The following ZSWIM6 variants were observed in gnomAD, a reference collection of about 807,000 sequenced individuals.
The protein encoded by ZSWIM6 is zinc finger SWIM-type containing 6.
In ZSWIM6, 9 loss-of-function variants were observed where a neutral mutation model predicts 113.2. That is an observed-to-expected ratio of 0.08 (90% confidence interval 0.05 to 0.14). The LOEUF is 0.14. ZSWIM6 is among the 10% of genes least tolerant of loss of function. The pLI is 1.00. For synonymous variants in ZSWIM6, 611 were observed against 606.5 expected (o/e 1.01, Z -0.11); for missense variants, 1,162 against 1,552.2 (o/e 0.75, Z 4.22).
intron 4 of ZSWIM6, among the ~76,000 whole-genome samples, chr5:61,502,204 G>T (rs574623704): frequency 6.6e-6 from 1 of 152,282 alleles, no homozygotes; most frequent in South Asian, 2.1e-4. Flanking sequence ...AATCAGGGAT[G>T]CCAGGAGCAG....
At chr5:61,372,281 C>A (rs1422351099) in intron 1 of ZSWIM6, among the ~76,000 whole-genome samples, 1 of 151,782 alleles carries the variant, frequency 6.6e-6, no homozygotes, top group Non-Finnish European at 1.5e-5. Context: ...TTACCCTCTG[C>A]CCTATTTTTT....
chr5:61,346,947 T>A (rs965120170), intron 1 of ZSWIM6, among the ~76,000 whole-genome samples: 4 of 152,374 alleles, frequency 2.6e-5, no homozygotes, highest in East Asian at 3.9e-4. Context: ...ATGAATTTTT[T>A]AAAAAAGTAC....
intron 1 of ZSWIM6, among the ~76,000 whole-genome samples, chr5:61,354,861 A>AAT (rs1744867092): frequency 6.6e-6 from 1 of 152,044 alleles, no homozygotes; most frequent in East Asian, 1.9e-4. Flanking sequence ...CCATTCTTAG[A>AAT]CTGCATTTTG....
intron 1 of ZSWIM6, among the ~76,000 whole-genome samples, chr5:61,423,323 GCTTGAACCT>G (rs1257505720): frequency 1.4e-4 from 21 of 151,890 alleles, no homozygotes; most frequent in African/African-American, 5.1e-4. Context: ...CAGGAGAATC[GCTTGAACCT>G]GGGAGGTGGA....
At chr5:61,460,760 T>C (rs1044865987) in intron 1 of ZSWIM6, among the ~76,000 whole-genome samples, 12 of 152,122 alleles carry the variant, frequency 7.9e-5, no homozygotes, top group African/African-American at 2.7e-4. Flanking sequence ...ATATATAATG[T>C]TCATAATATA....
At chr5:61,541,825 CT>C (rs1329091080) in intron 12 of ZSWIM6, 58 bp from the exon 13 acceptor site, 88 of 1,403,314 alleles carry the variant, frequency 6.3e-5, no homozygotes, top group Middle Eastern at 3.5e-4. Flanking sequence ...TATCCCCCCC[CT>C]TTTTTTTCAT....
Position 61,530,086 on chromosome 5 carries a change from T to C in ZSWIM6, c.1872T>C (p.Asn624=), listed in dbSNP as rs751568285. 2.6e-6 allele frequency: 4 copies of C among 1,551,436 alleles called. No individual in the cohort carries two copies. Among genetic ancestry groups the C allele is most frequent in the Non-Finnish European group, 2.6e-6 (3 of 1,146,794 alleles). ...ATAAAAACATAACCTCGATAACCAA[T>C]CTGGAGGGCTGGGTTGGACATCCCC... is the stretch of plus-strand genomic sequence containing the variant. ...LPHKNITSIT[N]LEGWVGHPLD... The change falls in exon 8 of 14, where the codon AAT becomes AAC. Residue 624 remains asparagine, a synonymous_variant. Transcript: ENST00000252744.
At chr5:61,424,586 C>G (rs1417741432) in intron 1 of ZSWIM6, among the ~76,000 whole-genome samples, 1 of 152,154 alleles carries the variant, frequency 6.6e-6, no homozygotes, top group Non-Finnish European at 1.5e-5. Flanking sequence ...TTTCGAACCT[C>G]GAAGAGCAAG....
At chr5:61,432,261 C>T (rs1056026599) in intron 1 of ZSWIM6, among the ~76,000 whole-genome samples, 1 of 152,176 alleles carries the variant, frequency 6.6e-6, no homozygotes, top group African/African-American at 2.4e-5. Context: ...TGTGTATACA[C>T]AACCGTTAAA....
intron 1 of ZSWIM6, among the ~76,000 whole-genome samples, chr5:61,470,022 C>G (rs1747530676): frequency 6.6e-6 from 1 of 152,162 alleles, no homozygotes; most frequent in Non-Finnish European, 1.5e-5. Context: ...TTAAATCAGT[C>G]TTTTTTGAAG....
intron 1 of ZSWIM6, among the ~76,000 whole-genome samples, chr5:61,395,756 T>C (rs887447116): frequency 7.9e-5 from 12 of 152,218 alleles, no homozygotes; most frequent in African/African-American, 2.9e-4. Flanking sequence ...TAAGCCACAG[T>C]AGGCCATGAA....
chr5:61,391,795 T>C, intron 1 of ZSWIM6: 1 of 895,184 alleles, frequency 1.1e-6, no homozygotes, highest in Non-Finnish European at 1.8e-6. Flanking sequence ...CACCTTCCCA[T>C]GATGCTTCCT....
chr5:61,456,823 A>G (rs1747213622), intron 1 of ZSWIM6, among the ~76,000 whole-genome samples: 1 of 151,962 alleles, frequency 6.6e-6, no homozygotes, highest in Admixed American at 6.6e-5. Flanking sequence ...ATTTTACAGT[A>G]CTAACATTTA....
chr5:61,512,581 A>G (rs866194718), intron 4 of ZSWIM6, among the ~76,000 whole-genome samples: 2 of 152,204 alleles, frequency 1.3e-5, no homozygotes, highest in African/African-American at 4.8e-5. Context: ...ACACTCTTCA[A>G]ACAGCAATTT....
intron 1 of ZSWIM6, among the ~76,000 whole-genome samples, chr5:61,341,395 C>T (rs376886032): frequency 5.9e-5 from 9 of 152,252 alleles, no homozygotes; most frequent in African/African-American, 2.2e-4. Flanking sequence ...ACATTCATTT[C>T]AATGTTTAAT....
chr5:61,400,217 A>C (rs1324522509), intron 1 of ZSWIM6, among the ~76,000 whole-genome samples: 1 of 152,110 alleles, frequency 6.6e-6, no homozygotes, highest in Non-Finnish European at 1.5e-5. Context: ...TCCTAATTCT[A>C]TGTTTTTCAT....
At chr5:61,478,747 CAG>C (rs1221514957) in intron 2 of ZSWIM6, among the ~76,000 whole-genome samples, 5 of 151,464 alleles carry the variant, frequency 3.3e-5, no homozygotes, top group Non-Finnish European at 7.4e-5. Flanking sequence ...ATAGATATAA[CAG>C]ATTCTTAGTA....
At chr5:61,430,018 A>G (rs1746546466) in intron 1 of ZSWIM6, among the ~76,000 whole-genome samples, 1 of 152,196 alleles carries the variant, frequency 6.6e-6, no homozygotes, top group African/African-American at 2.4e-5. Flanking sequence ...AAGCGAAGTC[A>G]AAGGGTTTTA....
chr5:61,467,292 A>T (rs537812271), intron 1 of ZSWIM6, among the ~76,000 whole-genome samples: 2 of 152,332 alleles, frequency 1.3e-5, no homozygotes, highest in South Asian at 2.1e-4. Context: ...TTTATTAAAA[A>T]ATCTGCAGTT....
Sources: gnomAD v4.1 joint callset for allele counts (sites outside exome capture counted in the v4.1 genomes callset) on GRCh38, gnomAD v4.1.1 for gene constraint, MANE v1.5 for transcripts, NCBI Gene and HGNC (gene_info 2026-07-23, HGNC 2026-07-21) for gene names.